PRR5L: variants seen among roughly 807,000 people sequenced by gnomAD.
PRR5L encodes the protein proline-rich protein 5-like.
Under a neutral mutation model 36.4 loss-of-function variants are expected in PRR5L, and 21 were observed. The ratio of observed to expected loss-of-function variants is 0.58; its 90% CI spans 0.41 to 0.83. The LOEUF (loss-of-function observed/expected upper bound fraction) is 0.83. Among genes scored for constraint, PRR5L ranks in the 40% least tolerant of loss-of-function variants. The pLI is 0.00. For missense variants in PRR5L, 381 were observed against 473.3 expected (o/e 0.80, Z 1.81); for synonymous variants, 188 against 197.0 (o/e 0.95, Z 0.38).
chr11:36,308,226 T>A (rs1013306235), intron 1 of PRR5L, among the ~76,000 whole-genome samples: 5 of 152,252 alleles, frequency 3.3e-5, no homozygotes, highest in African/African-American at 1.2e-4. Flanking sequence ...CTCAGTAGCC[T>A]GTTTATAGCT....
intron 1 of PRR5L, among the ~76,000 whole-genome samples, chr11:36,386,931 C>A (rs1199775393): frequency 6.6e-6 from 1 of 152,158 alleles, no homozygotes; most frequent in Non-Finnish European, 1.5e-5. Flanking sequence ...TCATGGTTGA[C>A]AATTGATTTG....
chr11:36,415,073 C>A (rs909387216), intron 3 of PRR5L, among the ~76,000 whole-genome samples: 12 of 149,906 alleles, frequency 8.0e-5, no homozygotes, highest in Non-Finnish European at 1.5e-4. Flanking sequence ...TGATCTATAT[C>A]TCTGTTTTGG....
intron 1 of PRR5L, among the ~76,000 whole-genome samples, chr11:36,382,799 C>T (rs1857392775): frequency 6.6e-6 from 1 of 152,166 alleles, no homozygotes; most frequent in South Asian, 2.1e-4. Flanking sequence ...GACAAAATCG[C>T]CCCTAGTTGA....
intron 3 of PRR5L, among the ~76,000 whole-genome samples, chr11:36,412,114 C>T (rs994634925): frequency 2.6e-5 from 4 of 152,094 alleles, no homozygotes; most frequent in South Asian, 2.1e-4. Context: ...TGAATTTTCC[C>T]GGGTCATTGC....
At chr11:36,409,396 G>A (rs1333060043) in intron 3 of PRR5L, among the ~76,000 whole-genome samples, 1 of 152,190 alleles carries the variant, frequency 6.6e-6, no homozygotes, top group Non-Finnish European at 1.5e-5. Context: ...GTTGGGAGGG[G>A]GGAGGTGGTG....
At chr11:36,305,101 T>C (rs1856416958) in intron 1 of PRR5L, among the ~76,000 whole-genome samples, 1 of 152,174 alleles carries the variant, frequency 6.6e-6, no homozygotes, top group African/African-American at 2.4e-5. Flanking sequence ...TTATTCATAA[T>C]AGCCAAAAGG....
chr11:36,335,786 CTATA>C (rs1266682200), intron 1 of PRR5L, among the ~76,000 whole-genome samples: 1 of 152,156 alleles, frequency 6.6e-6, no homozygotes, highest in African/African-American at 2.4e-5. Flanking sequence ...GGTTAGCCAA[CTATA>C]TAATAAGCAA....
chr11:36,376,105 AT>A (rs566629655), intron 1 of PRR5L: 23,658 of 905,244 alleles, frequency 0.026, 9 homozygotes, highest in African/African-American at 0.028. Context: ...CTCCTCGGCA[AT>A]TTTTTTTTTT....
chr11:36,318,349 T>G (rs960226438), intron 1 of PRR5L, among the ~76,000 whole-genome samples: 1 of 152,206 alleles, frequency 6.6e-6, no homozygotes, highest in Non-Finnish European at 1.5e-5. Context: ...AAATGAATTA[T>G]TTGGTACTAT....
intron 3 of PRR5L, among the ~76,000 whole-genome samples, chr11:36,403,910 G>A (rs1264690261): frequency 1.3e-5 from 2 of 152,224 alleles, no homozygotes; most frequent in African/African-American, 2.4e-5. Flanking sequence ...CATGTGAAAT[G>A]TAAACATGCA....
intron 1 of PRR5L, among the ~76,000 whole-genome samples, chr11:36,396,934 T>G (rs1857672492): frequency 6.6e-6 from 1 of 152,210 alleles, no homozygotes; most frequent in Non-Finnish European, 1.5e-5. Flanking sequence ...AATTCTAGTT[T>G]TCTGGCTGAG....
intron 3 of PRR5L, among the ~76,000 whole-genome samples, chr11:36,417,794 G>C (rs1455891359): frequency 8.5e-5 from 13 of 152,200 alleles, no homozygotes. Context: ...GAGTGAACGT[G>C]TTTTGGGGGA....
intron 7 of PRR5L, among the ~76,000 whole-genome samples, chr11:36,449,741 A>C (rs1014130186): frequency 1.4e-4 from 21 of 152,206 alleles, no homozygotes; most frequent in African/African-American, 5.1e-4. Context: ...TGGACCACAC[A>C]AATTCCATAG....
intron 3 of PRR5L, among the ~76,000 whole-genome samples, chr11:36,412,085 CTGAAGTA>C (rs1293536287): frequency 6.6e-6 from 1 of 152,124 alleles, no homozygotes; most frequent in East Asian, 1.9e-4. Context: ...GGTGAGGAAA[CTGAAGTA>C]TGAAGAATCA....
chr11:36,378,236 A>G (rs920950843), intron 1 of PRR5L, among the ~76,000 whole-genome samples: 11 of 152,200 alleles, frequency 7.2e-5, no homozygotes, highest in African/African-American at 2.2e-4. Flanking sequence ...ATTTAGCCAC[A>G]TTTAAAATTT....
intron 1 of PRR5L, among the ~76,000 whole-genome samples, chr11:36,361,411 T>C (rs1355239261): frequency 6.6e-6 from 1 of 152,268 alleles, no homozygotes; most frequent in African/African-American, 2.4e-5. Flanking sequence ...CTTTTAAAAT[T>C]ATTTTTAAAT....
chr11:36,436,505 A>T (rs1858608639), intron 5 of PRR5L, among the ~76,000 whole-genome samples: 1 of 152,156 alleles, frequency 6.6e-6, no homozygotes. Context: ...GTGAGTAGGG[A>T]CAGCATCAGG....
intron 1 of PRR5L, among the ~76,000 whole-genome samples, chr11:36,350,219 G>T (rs1856913902): frequency 6.8e-6 from 1 of 146,642 alleles, no homozygotes; most frequent in Non-Finnish European, 1.5e-5. Context: ...TGTGGGGTGG[G>T]TGTGTGTGGG....
intron 1 of PRR5L, among the ~76,000 whole-genome samples, chr11:36,371,013 A>T (rs1285773303): frequency 2.0e-5 from 3 of 152,190 alleles, no homozygotes; most frequent in Non-Finnish European, 4.4e-5. Flanking sequence ...TTATTCTCAG[A>T]CAGTCAGATT....
Sources: gnomAD v4.1 joint callset for allele counts (sites outside exome capture counted in the v4.1 genomes callset) on GRCh38, gnomAD v4.1.1 for gene constraint, MANE v1.5 for transcripts, NCBI Gene and HGNC (gene_info 2026-07-23, HGNC 2026-07-21) for gene names.